Variants in SCD5 observed in about 807,000 individuals in gnomAD.
SCD5 encodes stearoyl-CoA desaturase 5.
Under a neutral mutation model 30.4 loss-of-function variants are expected in SCD5, and 20 were observed. The ratio of observed to expected loss-of-function variants is 0.66; its 90% CI spans 0.46 to 0.96. SCD5 has a LOEUF of 0.96. Ranked by LOEUF, SCD5 falls within the 40% of genes least tolerant of loss-of-function variation. The pLI is 0.00. For synonymous variants in SCD5, 173 were observed against 176.4 expected, an observed-to-expected ratio of 0.98 and a Z score of 0.16; for missense variants, 381 against 443.3, an observed-to-expected ratio of 0.86 and a Z score of 1.26.
chr4:82,726,817 C>T (rs9686004), intron 1 of SCD5, among the ~76,000 whole-genome samples: 63,567 of 151,926 alleles, frequency 0.42, 13,769 homozygotes, highest in African/African-American at 0.52. Flanking sequence ...TCTTGGCATG[C>T]TCCCATCTCA....
intron 1 of SCD5, among the ~76,000 whole-genome samples, chr4:82,744,843 G>A (rs1720949673): frequency 6.6e-6 from 1 of 151,804 alleles, no homozygotes; most frequent in Admixed American, 6.6e-5. Flanking sequence ...GAGAGACTGG[G>A]TGGAGCGAGA....
intron 2 of SCD5, among the ~76,000 whole-genome samples, chr4:82,686,402 C>T (rs1213310741): frequency 6.6e-6 from 1 of 152,162 alleles, no homozygotes; most frequent in African/African-American, 2.4e-5. Flanking sequence ...GTGAAATGGG[C>T]AGAAAGTGTG....
intron 1 of SCD5, among the ~76,000 whole-genome samples, chr4:82,734,430 C>T (rs116029840): frequency 6.6e-6 from 1 of 152,146 alleles, no homozygotes; most frequent in Admixed American, 6.5e-5. Flanking sequence ...TTTTCCTCTA[C>T]GTATAATCGA....
At chr4:82,676,631 G>C (rs1179470120) in intron 3 of SCD5, among the ~76,000 whole-genome samples, 1 of 152,194 alleles carries the variant, frequency 6.6e-6, no homozygotes, top group African/African-American at 2.4e-5. Flanking sequence ...GAGCATTTAG[G>C]GAGGAATCTA....
At chr4:82,651,670 C>T (rs746706564) in intron 3 of SCD5, among the ~76,000 whole-genome samples, 30 of 151,948 alleles carry the variant, frequency 2.0e-4, no homozygotes, top group Non-Finnish European at 3.1e-4. Context: ...TTCCAGCACT[C>T]TGGGAGGCTG....
At chr4:82,704,785 G>A (rs548191774) in intron 2 of SCD5, among the ~76,000 whole-genome samples, 1 of 152,316 alleles carries the variant, frequency 6.6e-6, no homozygotes, top group South Asian at 2.1e-4. Flanking sequence ...GCAATGACTT[G>A]GAGTCAGGCT....
At position 82,716,686 on chromosome 4, in the gene SCD5, C is replaced by T. The variant is rs146169569; in HGVS notation, c.233-11273G>A. Reference sequence around the variant, plus strand: ...AAAATTAGCCAGGCATGGTGGCGTACGCCTGTAATCCCAGCTACTCAGGAG... The same window carrying T: ...AAAATTAGCCAGGCATGGTGGCGTATGCCTGTAATCCCAGCTACTCAGGAG... On this transcript the variant is annotated intron_variant, in intron 1 of 4. Transcript: ENST00000319540. 1.8e-4 allele frequency among the ~76,000 whole-genome samples: 28 copies of T among 151,658 alleles called. 1 individual carries two copies. The highest frequency in any genetic ancestry group is 4.4e-4 in the African/African-American group (18 of 40,980).
intron 2 of SCD5, among the ~76,000 whole-genome samples, chr4:82,691,215 G>A (rs1042745253): frequency 3.9e-5 from 6 of 152,078 alleles, no homozygotes; most frequent in Non-Finnish European, 7.4e-5. Flanking sequence ...TAGTAGAGAC[G>A]GGGTTTCATC....
chr4:82,769,445 G>A (rs1401800619), intron 1 of SCD5, among the ~76,000 whole-genome samples: 3 of 152,114 alleles, frequency 2.0e-5, no homozygotes, highest in Non-Finnish European at 4.4e-5. Context: ...ATTTACAGAG[G>A]ATTAGAGATT....
At chr4:82,735,652 A>T (rs1231666265) in intron 1 of SCD5, among the ~76,000 whole-genome samples, 1 of 152,188 alleles carries the variant, frequency 6.6e-6, no homozygotes, top group Admixed American at 6.5e-5. Flanking sequence ...TCCTTGACTT[A>T]CCCACCACAT....
intron 3 of SCD5, among the ~76,000 whole-genome samples, chr4:82,671,707 G>A (rs543156193): frequency 6.6e-6 from 1 of 152,242 alleles, no homozygotes; most frequent in South Asian, 2.1e-4. Flanking sequence ...GTGAAACCCT[G>A]TCTCTACTAA....
chr4:82,636,329 T>C (rs1727428429), intron 4 of SCD5, among the ~76,000 whole-genome samples: 1 of 151,642 alleles, frequency 6.6e-6, no homozygotes, highest in Non-Finnish European at 1.5e-5. Context: ...TGGATGCCTG[T>C]AATCCCAGCT....
intron 1 of SCD5, among the ~76,000 whole-genome samples, chr4:82,742,681 G>A (rs1720901520): frequency 6.6e-6 from 1 of 152,216 alleles, no homozygotes; most frequent in Non-Finnish European, 1.5e-5. Context: ...CAGCTACTCA[G>A]GTGGCTGAGG....
At position 82,631,324 on chromosome 4, in the gene SCD5, A is replaced by G; in HGVS notation, c.*3T>C. On this transcript the variant is annotated 3_prime_UTR_variant, in exon 5 of 5. Coordinates refer to ENST00000319540, the MANE Select transcript of SCD5 (RefSeq NM_001037582.3). ...GCAGACATGTGGGATGGCTGTTCCA[A>G]GTTCAAGCACTGCTGTCTCCAGTCC... is the stretch of plus-strand genomic sequence containing the variant. The G allele has an allele frequency of 6.2e-7, 1 of 1,610,650 alleles. No homozygotes were observed. The highest frequency in any genetic ancestry group is 8.5e-7 in the Non-Finnish European group (1 of 1,177,546).
intron 1 of SCD5, among the ~76,000 whole-genome samples, chr4:82,793,169 GT>G (rs1444773924): frequency 6.6e-6 from 1 of 152,174 alleles, no homozygotes; most frequent in East Asian, 1.9e-4. Context: ...ATTTTTAGTA[GT>G]TTAATTGAGC....
At chr4:82,736,205 T>A (rs945791298) in intron 1 of SCD5, among the ~76,000 whole-genome samples, 1 of 151,912 alleles carries the variant, frequency 6.6e-6, no homozygotes, top group Non-Finnish European at 1.5e-5. Context: ...GGACGATCAC[T>A]TGAGCCCAGG....
chr4:82,771,595 A>T (rs1721623991), intron 1 of SCD5, among the ~76,000 whole-genome samples: 1 of 152,166 alleles, frequency 6.6e-6, no homozygotes, highest in Admixed American at 6.5e-5. Context: ...GCTTAAAATC[A>T]CACAGTTTGG....
intron 1 of SCD5, among the ~76,000 whole-genome samples, chr4:82,750,228 G>A (rs1721072888): frequency 6.6e-6 from 1 of 152,170 alleles, no homozygotes; most frequent in Non-Finnish European, 1.5e-5. Flanking sequence ...GCCATTGGGA[G>A]GGCCGGGGCA....
chr4:82,711,190 C>T (rs544555975), intron 1 of SCD5, among the ~76,000 whole-genome samples: 62 of 152,248 alleles, frequency 4.1e-4, no homozygotes, highest in South Asian at 1.2e-3. Context: ...AGATCCCCCC[C>T]CCGATAACCC....
Sources: gnomAD v4.1 joint callset for allele counts (sites outside exome capture counted in the v4.1 genomes callset) on GRCh38, gnomAD v4.1.1 for gene constraint, MANE v1.5 for transcripts, NCBI Gene and HGNC (gene_info 2026-07-23, HGNC 2026-07-21) for gene names.